Variants in SLC30A9 observed in about 807,000 individuals in gnomAD.
The protein encoded by SLC30A9 is proton-coupled zinc antiporter SLC30A9, mitochondrial.
SLC30A9 carries 58 observed loss-of-function variants against 87.5 expected under a neutral mutation model. The ratio of observed to expected loss-of-function variants is 0.66; its 90% CI spans 0.54 to 0.82. The LOEUF (loss-of-function observed/expected upper bound fraction) is 0.82, where lower values mean the gene tolerates loss of function less well. SLC30A9 is among the 40% of genes least tolerant of loss of function. The pLI is 0.00. For missense variants in SLC30A9, 557 were observed against 679.1 expected, an observed-to-expected ratio of 0.82 and a Z score of 2.00; for synonymous variants, 234 against 233.0, an observed-to-expected ratio of 1.00 and a Z score of -0.04.
intron 2 of SLC30A9, among the ~76,000 whole-genome samples, chr4:42,010,971 T>A (rs1191842384): frequency 6.6e-6 from 1 of 152,080 alleles, no homozygotes; most frequent in Admixed American, 6.6e-5. Context: ...TTTGAACTTA[T>A]CCACCCACCC....
intron 8 of SLC30A9, among the ~76,000 whole-genome samples, chr4:42,043,062 C>A (rs1716988203): frequency 6.6e-6 from 1 of 151,964 alleles, no homozygotes; most frequent in Non-Finnish European, 1.5e-5. Flanking sequence ...ACACAAAAAC[C>A]CCATCCAAAA....
At chr4:42,037,316 T>C (rs924100640) in intron 7 of SLC30A9, among the ~76,000 whole-genome samples, 5 of 144,414 alleles carry the variant, frequency 3.5e-5, no homozygotes, top group Non-Finnish European at 7.5e-5. Context: ...TATATTCTTA[T>C]CTCATGAGAA....
intron 9 of SLC30A9, among the ~76,000 whole-genome samples, chr4:42,056,049 C>G (rs1236454164): frequency 6.6e-6 from 1 of 152,126 alleles, no homozygotes; most frequent in African/African-American, 2.4e-5. Context: ...TGTCTTACCT[C>G]TGAGGAGAGC....
intron 1 of SLC30A9, among the ~76,000 whole-genome samples, chr4:42,001,366 TTATGTAC>T (rs1309727640): frequency 6.6e-6 from 1 of 151,840 alleles, no homozygotes; most frequent in African/African-American, 2.4e-5. Context: ...AGAGTATCTA[TTATGTAC>T]TATATACCTT....
chr4:42,010,388 G>T (rs1009449339), intron 2 of SLC30A9, among the ~76,000 whole-genome samples: 3 of 152,020 alleles, frequency 2.0e-5, no homozygotes, highest in Admixed American at 6.6e-5. Context: ...GAGACGGGAG[G>T]ATCACTTGAG....
rs779530137 is a variant in SLC30A9 at position 42,005,878 on chromosome 4, G to T, written c.274+4098G>T. ...TATGGCAGCAAATGAGAATGACTCA[G>T]AGTTGATTACTAAAGCAGAAAATTA... On this transcript the variant is annotated intron_variant, in intron 2 of 17. Transcript: ENST00000264451. Among the ~76,000 whole-genome samples, 47 of 152,182 alleles carry T rather than the reference G, an allele frequency of 3.1e-4. 1 individual carries two copies. Among genetic ancestry groups the T allele is most frequent in the Non-Finnish European group, 3.7e-4 (25 of 68,032 alleles).
At chr4:42,011,459 A>G (rs1474239582) in intron 2 of SLC30A9, among the ~76,000 whole-genome samples, 1 of 152,210 alleles carries the variant, frequency 6.6e-6, no homozygotes, top group African/African-American at 2.4e-5. Flanking sequence ...TTCCTGGCTT[A>G]GAGACTGGAT....
Position 42,089,221 on chromosome 4 carries a change from C to T in SLC30A9, c.*3095C>T, listed in dbSNP as rs923103244. ...TCAAAGGTGAGGTATACAGTGGTCC[C>T]TGACTTATAATGGTTGCACTTAAGA... On this transcript the variant is annotated 3_prime_UTR_variant, in exon 18 of 18. Transcript: ENST00000264451. 6.6e-6 allele frequency: 1 copy of T among 152,082 alleles called. No homozygotes were observed. The highest frequency in any genetic ancestry group is 2.4e-5 in the African/African-American group (1 of 41,398). 9.4% of individuals were successfully genotyped at this position (152,082 alleles called of 1,614,324 possible).
chr4:42,006,335 C>T (rs1715198993), intron 2 of SLC30A9, among the ~76,000 whole-genome samples: 1 of 152,024 alleles, frequency 6.6e-6, no homozygotes, highest in African/African-American at 2.4e-5. Context: ...TTAACTGAGT[C>T]TTGAGTGGTT....
intron 8 of SLC30A9, among the ~76,000 whole-genome samples, chr4:42,043,087 A>C (rs1185582033): frequency 6.6e-6 from 1 of 152,218 alleles, no homozygotes; most frequent in East Asian, 1.9e-4. Flanking sequence ...CCAACATCAA[A>C]GACCAAAGGT....
At chr4:42,039,171 T>C in intron 8 of SLC30A9, 118 bp downstream of exon 8, 1 of 755,564 alleles carries the variant, frequency 1.3e-6, no homozygotes, top group Non-Finnish European at 2.2e-6. Context: ...TTATTTTGTT[T>C]TAGGAGGAAA....
intron 3 of SLC30A9, chr4:42,018,564 G>A: frequency 4.0e-6 from 2 of 499,292 alleles, no homozygotes; most frequent in Non-Finnish European, 6.0e-6. Context: ...AGGAATTCCT[G>A]TTTGTAGCTC....
intron 6 of SLC30A9, among the ~76,000 whole-genome samples, chr4:42,032,461 T>G (rs1716490248): frequency 6.6e-6 from 1 of 152,226 alleles, no homozygotes; most frequent in Non-Finnish European, 1.5e-5. Flanking sequence ...CTAAATTATT[T>G]GACTATCTCA....
At chr4:42,018,652 C>T (rs1409937142) in intron 3 of SLC30A9, 1 of 217,628 alleles carries the variant, frequency 4.6e-6, no homozygotes, top group East Asian at 1.3e-4. Context: ...ATTAACAGCA[C>T]TGTGGCTTTG....
intron 8 of SLC30A9, among the ~76,000 whole-genome samples, chr4:42,047,166 A>G (rs559207168): frequency 5.3e-4 from 80 of 152,352 alleles, no homozygotes; most frequent in African/African-American, 1.9e-3. Context: ...GGACATAGGC[A>G]TGGGCAAAGA....
rs1444674012 is a variant in SLC30A9 at position 42,009,289 on chromosome 4, TCAGA to T, written c.274+7514_274+7517del. On this transcript the variant is annotated intron_variant, in intron 2 of 17. Coordinates refer to ENST00000264451, the MANE Select transcript of SLC30A9 (RefSeq NM_006345.4). ...AGGCCACATTAGACCTTGTTAGCCATCAGACAGAGTGCAAGTAATTGCTTGATTG... is the reference window on the plus strand; with the variant it reads ...AGGCCACATTAGACCTTGTTAGCCATCAGAGTGCAAGTAATTGCTTGATTG... Among the ~76,000 whole-genome samples, 3 of 152,344 alleles carry T rather than the reference TCAGA, an allele frequency of 2.0e-5. No individual in the cohort carries two copies. The East Asian group carries it at 5.8e-4, about 29-fold the overall frequency.
intron 17 of SLC30A9, among the ~76,000 whole-genome samples, chr4:42,081,476 G>T (rs1053844638): frequency 6.6e-6 from 1 of 152,174 alleles, no homozygotes; most frequent in African/African-American, 2.4e-5. Context: ...TACAGTTACT[G>T]TGAAAATAGT....
chr4:42,038,903 G>C, intron 7 of SLC30A9, 83 bp from the exon 8 acceptor site: 1 of 806,602 alleles, frequency 1.2e-6, no homozygotes, highest in Non-Finnish European at 2.1e-6. Context: ...AGAGGAAAAT[G>C]TTCTGGTCTG....
intron 1 of SLC30A9, among the ~76,000 whole-genome samples, chr4:41,993,909 C>G (rs1714571201): frequency 6.6e-6 from 1 of 152,140 alleles, no homozygotes; most frequent in Non-Finnish European, 1.5e-5. Context: ...GTAATCCCAA[C>G]ACTTTGGGAG....
Sources: allele counts gnomAD v4.1 joint callset (sites outside exome capture counted in the v4.1 genomes callset), GRCh38; gene constraint gnomAD v4.1.1; transcripts MANE v1.5; gene names NCBI Gene and HGNC (gene_info 2026-07-23, HGNC 2026-07-21).